The following XPNPEP3 variants were observed in gnomAD, a reference collection of about 807,000 sequenced individuals.
XPNPEP3 encodes xaa-Pro aminopeptidase 3.
In XPNPEP3, 41 loss-of-function variants were observed where a neutral mutation model predicts 60.0. The ratio of observed to expected loss-of-function variants is 0.68; its 90% CI spans 0.53 to 0.89. The LOEUF is 0.89. Ranked by LOEUF, XPNPEP3 falls within the 40% of genes least tolerant of loss-of-function variation. XPNPEP3 has a pLI of 0.00. For missense variants in XPNPEP3, 598 were observed against 638.9 expected (o/e 0.94, Z 0.69); for synonymous variants, 212 against 223.2 (o/e 0.95, Z 0.45).
intron 2 of XPNPEP3, among the ~76,000 whole-genome samples, chr22:40,881,355 C>T (rs2058047326): frequency 6.7e-6 from 1 of 149,602 alleles, no homozygotes; most frequent in South Asian, 2.2e-4. Flanking sequence ...AGTCGGGAGG[C>T]TGAAGTGGGA....
chr22:40,889,380 A>G (rs2058080935), intron 4 of XPNPEP3, among the ~76,000 whole-genome samples: 1 of 152,206 alleles, frequency 6.6e-6, no homozygotes. Context: ...CAAGGAAGGA[A>G]CTTTAGCAAA....
At chr22:40,907,767 G>A in intron 5 of XPNPEP3, 118 bp downstream of exon 5, 2 of 1,018,790 alleles carry the variant, frequency 2.0e-6, no homozygotes, top group Admixed American at 1.9e-5. Context: ...TCATTGGAGA[G>A]GATTTGGTTC....
At chr22:40,868,609 C>T (rs1448942440) in intron 1 of XPNPEP3, among the ~76,000 whole-genome samples, 1 of 152,108 alleles carries the variant, frequency 6.6e-6, no homozygotes, top group Non-Finnish European at 1.5e-5. Context: ...AATCCCAACA[C>T]TTTGGGAGGC....
At chr22:40,891,683 A>C (rs1340200476) in intron 4 of XPNPEP3, among the ~76,000 whole-genome samples, 1 of 151,934 alleles carries the variant, frequency 6.6e-6, no homozygotes, top group Non-Finnish European at 1.5e-5. Flanking sequence ...AAGGTTTGAC[A>C]GATGTTCATT....
At position 40,923,213 on chromosome 22, in the gene XPNPEP3, T is replaced by TA. The variant is rs756878151; in HGVS notation, c.1236+714dup. Among the ~76,000 whole-genome samples the TA allele has an allele frequency of 2.2e-3, 300 of 137,410 alleles. 2 individuals carry two copies. The highest frequency in any genetic ancestry group is 0.022 in the Middle Eastern group (6 of 278). The allele number at this position is 137,410 out of a possible 152,430, so 90.1% of individuals were successfully genotyped here. The stretch of plus-strand genomic sequence containing the variant: ...GGGCCACAGAACAAGGCCCTGTGTC[T>TA]AAAAAAAAAAAAAAGAGAGAGAGAT... On this transcript the variant is annotated intron_variant, in intron 8 of 9. Transcript: ENST00000357137.
At chr22:40,883,627 G>A (rs2058057200) in intron 3 of XPNPEP3, among the ~76,000 whole-genome samples, 1 of 152,150 alleles carries the variant, frequency 6.6e-6, no homozygotes, top group Non-Finnish European at 1.5e-5. Flanking sequence ...CTCCTGAAGT[G>A]CTGGGATTAC....
intron 2 of XPNPEP3, among the ~76,000 whole-genome samples, chr22:40,876,394 T>C (rs1362630407): frequency 1.1e-4 from 16 of 152,260 alleles, no homozygotes; most frequent in Admixed American, 1.0e-3. Flanking sequence ...CTAATACTTA[T>C]GTAGTGCTAA....
intron 2 of XPNPEP3, among the ~76,000 whole-genome samples, chr22:40,872,083 G>A (rs1390684601): frequency 6.6e-6 from 1 of 152,058 alleles, no homozygotes; most frequent in Non-Finnish European, 1.5e-5. Flanking sequence ...TGAATTCTTG[G>A]GAGCTATTTT....
chr22:40,862,931 T>C (rs2057958866), intron 1 of XPNPEP3: 1 of 223,420 alleles, frequency 4.5e-6, no homozygotes, highest in African/African-American at 2.3e-5. Flanking sequence ...ATGCGATATG[T>C]GCTCCAAAAA....
rs1013248832 is a variant in XPNPEP3, at chr22:40,929,863, T to C, written c.*3428T>C. 1.3e-5 allele frequency: 2 copies of C among 152,234 alleles called. No homozygotes were observed. The highest frequency in any genetic ancestry group is 4.8e-5 in the African/African-American group (2 of 41,464). The allele number at this position is 152,234 out of a possible 1,614,324, so 9.4% of individuals were successfully genotyped here. ...TTTAGTAATTTTTTAATACAGAGAATGCTATTAACTGTTACTGGATATCAA... is the reference window on the plus strand; with the variant it reads ...TTTAGTAATTTTTTAATACAGAGAACGCTATTAACTGTTACTGGATATCAA... On this transcript the variant is annotated 3_prime_UTR_variant, in exon 10 of 10. Coordinates refer to ENST00000357137, the MANE Select transcript of XPNPEP3 (RefSeq NM_022098.4).
chr22:40,868,418 T>C (rs1031690584), intron 1 of XPNPEP3, among the ~76,000 whole-genome samples: 4 of 149,806 alleles, frequency 2.7e-5, no homozygotes, highest in African/African-American at 1.0e-4. Context: ...ACCTTTATTA[T>C]ATATGTGTGC....
chr22:40,926,816 A>C lies in XPNPEP3; in HGVS notation c.*381A>C. The C allele has an allele frequency of 6.5e-6, 2 of 309,576 alleles. No homozygotes were observed. Among genetic ancestry groups the C allele is most frequent in the Non-Finnish European group, 1.3e-5 (2 of 159,556 alleles). 19.2% of individuals were successfully genotyped at this position (309,576 alleles called of 1,614,324 possible). On this transcript the variant is annotated 3_prime_UTR_variant, in exon 10 of 10. Coordinates refer to ENST00000357137, the MANE Select transcript of XPNPEP3 (RefSeq NM_022098.4). ...CTTCCCTTTCTATACTTTTGCTGAGATCAACCCAATATCATAAGAAGTTTG... is the reference window on the plus strand; with the variant it reads ...CTTCCCTTTCTATACTTTTGCTGAGCTCAACCCAATATCATAAGAAGTTTG...
chr22:40,885,947 A>C (rs2058066810), intron 3 of XPNPEP3, among the ~76,000 whole-genome samples: 1 of 152,174 alleles, frequency 6.6e-6, no homozygotes, highest in Non-Finnish European at 1.5e-5. Context: ...GTGCCACTGC[A>C]CTCCAGCCTG....
rs1569034415 is a variant in XPNPEP3, at chr22:40,926,325, G to A, written c.1414G>A (p.Val472Ile). 6.2e-7 allele frequency: 1 copy of A among 1,614,184 alleles called. No individual in the cohort carries two copies. ...CCCAGAGAAGTTTCGGGGTCTTGGT[G>A]TACGAATTGAGGATGATGTAGTGGT... Reference protein sequence around the residue: ...DAPEKFRGLGVRIEDDVVVTQ... With the variant: ...DAPEKFRGLGIRIEDDVVVTQ... Residue 472 changes from valine to isoleucine, a missense_variant, in exon 10 of 10, where the codon GTA becomes ATA. Coordinates refer to ENST00000357137, the MANE Select transcript of XPNPEP3 (RefSeq NM_022098.4).
intron 7 of XPNPEP3, among the ~76,000 whole-genome samples, chr22:40,920,472 A>G (rs1370581262): frequency 2.0e-5 from 3 of 152,190 alleles, no homozygotes; most frequent in East Asian, 1.9e-4. Context: ...CTTCAGTCCA[A>G]ACTCAGGCAG....
intron 6 of XPNPEP3, among the ~76,000 whole-genome samples, chr22:40,912,498 C>T (rs1601517262): frequency 6.6e-6 from 1 of 152,110 alleles, no homozygotes; most frequent in East Asian, 1.9e-4. Flanking sequence ...AGTTATGTAC[C>T]CTTTTATATT....
chr22:40,864,853 T>C (rs2057970228), intron 1 of XPNPEP3, among the ~76,000 whole-genome samples: 1 of 152,200 alleles, frequency 6.6e-6, no homozygotes, highest in Non-Finnish European at 1.5e-5. Flanking sequence ...CTTAACTTAC[T>C]GGGAATGTAG....
intron 4 of XPNPEP3, among the ~76,000 whole-genome samples, chr22:40,891,290 G>T (rs909308321): frequency 2.6e-5 from 4 of 151,462 alleles, no homozygotes; most frequent in African/African-American, 9.7e-5. Flanking sequence ...AGCCCAGGAA[G>T]TCAAGGCTTC....
intron 7 of XPNPEP3, among the ~76,000 whole-genome samples, chr22:40,916,646 A>C (rs1703523940): frequency 6.6e-6 from 1 of 152,214 alleles, no homozygotes; most frequent in South Asian, 2.1e-4. Context: ...AGCAGCCTGG[A>C]TTCTTTAACA....
Sources: allele counts gnomAD v4.1 joint callset (sites outside exome capture counted in the v4.1 genomes callset), GRCh38; gene constraint gnomAD v4.1.1; transcripts MANE v1.5; gene names NCBI Gene and HGNC (gene_info 2026-07-23, HGNC 2026-07-21).